VPS37C: variants seen among roughly 807,000 people sequenced by gnomAD.
The protein encoded by VPS37C is vacuolar protein sorting-associated protein 37C.
A neutral mutation model predicts 16.1 loss-of-function variants in VPS37C; 9 were observed. The ratio of observed to expected loss-of-function variants is 0.56; its 90% CI spans 0.34 to 0.97. The LOEUF (loss-of-function observed/expected upper bound fraction) is 0.97. VPS37C is among the 50% of genes least tolerant of loss of function. VPS37C has a pLI of 0.02. For synonymous variants in VPS37C, 207 were observed against 206.4 expected, an observed-to-expected ratio of 1.00 and a Z score of -0.02; for missense variants, 479 against 472.7, an observed-to-expected ratio of 1.01 and a Z score of -0.12.
At chr11:61,147,427 C>T (rs1184530377) in intron 1 of VPS37C, among the ~76,000 whole-genome samples, 2 of 152,100 alleles carry the variant, frequency 1.3e-5, no homozygotes, top group African/African-American at 2.4e-5. Context: ...GTCTTGAGCA[C>T]AGGGTACACG....
intron 1 of VPS37C, among the ~76,000 whole-genome samples, chr11:61,160,850 A>G (rs1853462606): frequency 6.6e-6 from 1 of 152,216 alleles, no homozygotes; most frequent in Non-Finnish European, 1.5e-5. Flanking sequence ...TGGGAGGTCC[A>G]AGTCTGAGTC....
At chr11:61,133,849 T>C (rs560852491) in intron 3 of VPS37C, among the ~76,000 whole-genome samples, 187 bp downstream of exon 3, 49 of 152,348 alleles carry the variant, frequency 3.2e-4, no homozygotes, top group Admixed American at 2.6e-3. Context: ...TGGGTGACCT[T>C]AGTCAAGTTA....
At position 61,132,515 on chromosome 11, in the gene VPS37C, C is replaced by T; in HGVS notation, c.373G>A (p.Gly125Ser). The change falls in exon 5 of 5, where the codon GGC becomes AGC. Residue 125 changes from glycine to serine, a missense_variant. Physicochemically the swap from Gly to Ser is moderately conservative, Grantham distance 56. Coordinates refer to ENST00000301765, the MANE Select transcript of VPS37C (RefSeq NM_017966.5). ...SEAMAEKFLE[G>S]EVPLETFLEN... ...AGGAACGTTTCCAGGGGCACCTCGC[C>T]CTCCAGGAACTTCTCAGCCATGGCC... 6.2e-7 allele frequency: 1 copy of T among 1,605,526 alleles called. No individual in the cohort carries two copies. Among genetic ancestry groups the T allele is most frequent in the Non-Finnish European group, 8.5e-7 (1 of 1,175,368 alleles).
intron 2 of VPS37C, chr11:61,138,347 G>C (rs1484122085): frequency 5.5e-6 from 1 of 183,084 alleles, no homozygotes; most frequent in South Asian, 1.3e-4. Flanking sequence ...AGACGAGCTA[G>C]ATCTCAGCCC....
At chr11:61,136,376 G>T (rs1484174412) in intron 2 of VPS37C, among the ~76,000 whole-genome samples, 2 of 152,032 alleles carry the variant, frequency 1.3e-5, no homozygotes, top group Admixed American at 6.6e-5. Flanking sequence ...GTTTCACCAT[G>T]TTGGCTAGGC....
At position 61,132,138 on chromosome 11, in the gene VPS37C, A is replaced by G; in HGVS notation, c.750T>C (p.Leu250=). 1 of 1,447,314 alleles carries G rather than the reference A, an allele frequency of 6.9e-7. No individual in the cohort carries two copies. Among genetic ancestry groups the G allele is most frequent in the South Asian group, 1.5e-5 (1 of 67,372 alleles). The allele number at this position is 1,447,314 out of a possible 1,614,324, so 89.7% of individuals were successfully genotyped here. A position where few individuals can be genotyped will look rare whatever the true frequency, so the allele number is the denominator to read the frequency against. The change falls in exon 5 of 5, where the codon CTT becomes CTC. Residue 250 remains leucine, a synonymous_variant. Coordinates refer to ENST00000301765, the MANE Select transcript of VPS37C (RefSeq NM_017966.5). The part of the protein sequence containing the change: ...PLGPTYPAAQ[L]GPRGAAGYSW... ...AGTAACCCGCAGCACCCCTGGGTCCAAGCTGGGCTGCCGGGTAAGTGGGGC... is the reference window on the plus strand; with the variant it reads ...AGTAACCCGCAGCACCCCTGGGTCCGAGCTGGGCTGCCGGGTAAGTGGGGC...
intron 4 of VPS37C, 89 bp downstream of exon 4, chr11:61,133,166 T>C: frequency 7.1e-7 from 1 of 1,409,622 alleles, no homozygotes; most frequent in Non-Finnish European, 9.9e-7. Context: ...GTTCCATGCT[T>C]TGCAGACATC....
At chr11:61,159,692 C>CGA (rs1231085079) in intron 1 of VPS37C, among the ~76,000 whole-genome samples, 1 of 147,224 alleles carries the variant, frequency 6.8e-6, no homozygotes, top group Non-Finnish European at 1.5e-5. Context: ...CCAGCCTGGG[C>CGA]GACAGAGCGA....
At position 61,133,014 on chromosome 11, in the gene VPS37C, C is replaced by G. The variant is rs140170747; in HGVS notation, c.348+241G>C. 1,423 of 623,188 alleles carry G rather than the reference C, an allele frequency of 2.3e-3. 13 individuals are homozygous for G. The highest frequency in any genetic ancestry group is 0.016 in the African/African-American group (866 of 55,336). 38.6% of individuals were successfully genotyped at this position (623,188 alleles called of 1,614,324 possible). A position where few individuals can be genotyped will look rare whatever the true frequency, so the allele number is the denominator to read the frequency against. On this transcript the variant is annotated intron_variant, in intron 4 of 4. Coordinates refer to ENST00000301765, the MANE Select transcript of VPS37C (RefSeq NM_017966.5). Reference sequence around the variant, plus strand: ...GGGGCCTCCTGCTGTGCTGCCCTACCATCCAGGGCTGCGAGCTGCCCTTGT... The same window carrying G: ...GGGGCCTCCTGCTGTGCTGCCCTACGATCCAGGGCTGCGAGCTGCCCTTGT...
intron 1 of VPS37C, among the ~76,000 whole-genome samples, chr11:61,147,835 C>A (rs1370914516): frequency 1.3e-5 from 2 of 152,172 alleles, no homozygotes; most frequent in Non-Finnish European, 2.9e-5. Context: ...CATGCCAACT[C>A]TCCCCCCAGA....
At chr11:61,140,933 G>A (rs943514565) in intron 1 of VPS37C, among the ~76,000 whole-genome samples, 21 of 152,166 alleles carry the variant, frequency 1.4e-4, no homozygotes, top group African/African-American at 3.1e-4. Context: ...GAGCCAGGTC[G>A]GACACGGTGG....
chr11:61,134,891 T>A (rs1222621992), intron 2 of VPS37C, among the ~76,000 whole-genome samples: 1 of 152,222 alleles, frequency 6.6e-6, no homozygotes. Context: ...TCTTCGTCGC[T>A]GCCAGCCAGT....
intron 3 of VPS37C, 65 bp from the exon 4 acceptor site, chr11:61,133,402 T>G: frequency 1.3e-6 from 2 of 1,514,446 alleles, no homozygotes; most frequent in Non-Finnish European, 1.8e-6. Context: ...TAAAGGCACT[T>G]TGCATACCCT....
intron 1 of VPS37C, among the ~76,000 whole-genome samples, chr11:61,154,911 C>G (rs949030351): frequency 6.6e-6 from 1 of 151,512 alleles, no homozygotes; most frequent in Non-Finnish European, 1.5e-5. Flanking sequence ...TTTCGACCAC[C>G]CTGGGCAACA....
At chr11:61,150,721 C>A (rs1487056080) in intron 1 of VPS37C, among the ~76,000 whole-genome samples, 1 of 152,028 alleles carries the variant, frequency 6.6e-6, no homozygotes, top group Non-Finnish European at 1.5e-5. Flanking sequence ...TAACCCCCTA[C>A]CCCGCTGCTC....
intron 1 of VPS37C, among the ~76,000 whole-genome samples, chr11:61,152,703 G>A (rs948264226): frequency 2.0e-5 from 3 of 152,116 alleles, no homozygotes; most frequent in Non-Finnish European, 4.4e-5. Context: ...CTACCTACTA[G>A]TCCCAGAACA....
intron 1 of VPS37C, among the ~76,000 whole-genome samples, chr11:61,140,630 G>A (rs902136634): frequency 1.3e-5 from 2 of 152,188 alleles, no homozygotes; most frequent in African/African-American, 4.8e-5. Context: ...CCGGAAATCC[G>A]GAATCCCTCC....
intron 1 of VPS37C, among the ~76,000 whole-genome samples, chr11:61,159,834 G>A (rs1375774633): frequency 6.8e-6 from 1 of 147,594 alleles, no homozygotes; most frequent in Non-Finnish European, 1.5e-5. Context: ...ACCAGGGGGC[G>A]GAGGTTGCAG....
Position 61,132,542 on chromosome 11 carries a change from G to C in VPS37C, c.349-3C>G. On this transcript the variant is annotated splice_region_variant and splice_polypyrimidine_tract_variant and intron_variant, in intron 4 of 4. Transcript: ENST00000301765. Reference sequence around the variant, plus strand: ...TCCAGGAACTTCTCAGCCATGGCCTGGAAGACATAAGGTCCAGTGACAACA... The same window carrying C: ...TCCAGGAACTTCTCAGCCATGGCCTCGAAGACATAAGGTCCAGTGACAACA... The C allele has an allele frequency of 6.3e-7, 1 of 1,587,284 alleles. No individual in the cohort carries two copies. Among genetic ancestry groups the C allele is most frequent in the Non-Finnish European group, 8.6e-7 (1 of 1,165,882 alleles).
Sources: allele counts gnomAD v4.1 joint callset (sites outside exome capture counted in the v4.1 genomes callset), GRCh38; gene constraint gnomAD v4.1.1; transcripts MANE v1.5; gene names NCBI Gene and HGNC (gene_info 2026-07-23, HGNC 2026-07-21).